Variants in CADM2 observed in about 807,000 individuals in gnomAD.
CADM2 encodes immunoglobulin superfamily member 4D.
Under a neutral mutation model 49.8 loss-of-function variants are expected in CADM2, and 12 were observed. The observed-to-expected ratio is 0.24, with a 90% CI of 0.15 to 0.39. The LOEUF is 0.39. Among genes scored for constraint, CADM2 ranks in the 10% least tolerant of loss-of-function variants. The pLI is 1.00. For synonymous variants in CADM2, 214 were observed against 175.4 expected, an observed-to-expected ratio of 1.22 and a Z score of -1.74; for missense variants, 378 against 492.3, an observed-to-expected ratio of 0.77 and a Z score of 2.20.
chr3:86,012,480 C>A, intron 8 of CADM2: 1 of 893,510 alleles, frequency 1.1e-6, no homozygotes, highest in Non-Finnish European at 1.6e-6. Flanking sequence ...ACCTGGCTCT[C>A]CTCCGTGACC....
intron 1 of CADM2, among the ~76,000 whole-genome samples, chr3:85,660,729 A>C (rs190908411): frequency 6.6e-6 from 1 of 152,202 alleles, no homozygotes; most frequent in African/African-American, 2.4e-5. Context: ...AAGATCAGTC[A>C]GTTTCCTCCT....
At chr3:85,642,155 C>T (rs1233194794) in intron 1 of CADM2, among the ~76,000 whole-genome samples, 1 of 152,122 alleles carries the variant, frequency 6.6e-6, no homozygotes, top group East Asian at 1.9e-4. Flanking sequence ...GAAAGTGTCT[C>T]CTCATACTTA....
chr3:85,819,159 G>A (rs965148452), intron 3 of CADM2, among the ~76,000 whole-genome samples: 21 of 152,200 alleles, frequency 1.4e-4, no homozygotes, highest in African/African-American at 5.1e-4. Flanking sequence ...AGGGCAGGAA[G>A]CATTCCGCAT....
intron 1 of CADM2, among the ~76,000 whole-genome samples, chr3:85,028,823 T>G (rs1208993955): frequency 6.6e-6 from 1 of 151,970 alleles, no homozygotes; most frequent in African/African-American, 2.4e-5. Flanking sequence ...TAATTTCCAC[T>G]ACAGGACTGT....
At chr3:85,675,025 T>C (rs1228053608) in intron 1 of CADM2, among the ~76,000 whole-genome samples, 1 of 152,188 alleles carries the variant, frequency 6.6e-6, no homozygotes. Flanking sequence ...ATTTGTGCAT[T>C]ATAAAGTATT....
At chr3:85,591,305 C>T (rs2063100930) in intron 1 of CADM2, among the ~76,000 whole-genome samples, 1 of 151,880 alleles carries the variant, frequency 6.6e-6, no homozygotes, top group Non-Finnish European at 1.5e-5. Flanking sequence ...AGAGTATGTA[C>T]TTTTGGAAGT....
intron 5 of CADM2, among the ~76,000 whole-genome samples, chr3:85,894,729 C>T (rs924515220): frequency 6.6e-6 from 1 of 152,184 alleles, no homozygotes; most frequent in Non-Finnish European, 1.5e-5. Flanking sequence ...TGTTGCCTTG[C>T]ACCCAGCTGC....
chr3:85,287,409 G>A (rs7637876), intron 1 of CADM2, among the ~76,000 whole-genome samples: 34,054 of 151,814 alleles, frequency 0.22, 6,110 homozygotes, highest in African/African-American at 0.5. Context: ...TTACATGGCT[G>A]AGTTTCATAT....
At chr3:85,605,277 C>T (rs1440343980) in intron 1 of CADM2, among the ~76,000 whole-genome samples, 2 of 151,994 alleles carry the variant, frequency 1.3e-5, no homozygotes, top group Non-Finnish European at 2.9e-5. Flanking sequence ...AAGGCAAATT[C>T]CTGTGGTCTT....
intron 1 of CADM2, among the ~76,000 whole-genome samples, chr3:85,380,343 G>A (rs73845473): frequency 0.012 from 1,760 of 151,388 alleles, 38 homozygotes; most frequent in African/African-American, 0.04. Context: ...TGCTTTTTTT[G>A]CCTTATAGTT....
intron 5 of CADM2, among the ~76,000 whole-genome samples, chr3:85,909,392 G>T (rs771742687): frequency 9.0e-6 from 1 of 110,846 alleles, no homozygotes. Context: ...TTTGAAAAAT[G>T]TAAAATGAAA....
intron 1 of CADM2, among the ~76,000 whole-genome samples, chr3:85,436,926 T>A (rs1295336774): frequency 6.6e-6 from 1 of 152,194 alleles, no homozygotes; most frequent in Non-Finnish European, 1.5e-5. Flanking sequence ...TTTGGAGAAA[T>A]ATATGTTGAA....
chr3:85,421,777 G>T (rs1006951887), intron 1 of CADM2, among the ~76,000 whole-genome samples: 5 of 152,092 alleles, frequency 3.3e-5, no homozygotes, highest in African/African-American at 1.2e-4. Flanking sequence ...AATTTGAATC[G>T]AGCAGCTTAC....
At chr3:85,812,654 C>T (rs957536428) in intron 3 of CADM2, among the ~76,000 whole-genome samples, 2 of 152,174 alleles carry the variant, frequency 1.3e-5, no homozygotes, top group Non-Finnish European at 2.9e-5. Flanking sequence ...CACACATCAA[C>T]CCATCACCTA....
chr3:86,021,897 G>T (rs754665651), intron 8 of CADM2, among the ~76,000 whole-genome samples: 29 of 152,118 alleles, frequency 1.9e-4, no homozygotes, highest in Non-Finnish European at 3.4e-4. Flanking sequence ...CAAGTCTAGA[G>T]ATCTAATACA....
At chr3:85,130,084 C>A (rs964594969) in intron 1 of CADM2, among the ~76,000 whole-genome samples, 1 of 152,092 alleles carries the variant, frequency 6.6e-6, no homozygotes, top group Non-Finnish European at 1.5e-5. Context: ...ATTTAATTCA[C>A]CCGTTTTCAT....
intron 1 of CADM2, among the ~76,000 whole-genome samples, chr3:85,044,951 T>C (rs1056082948): frequency 6.6e-5 from 10 of 152,168 alleles, no homozygotes; most frequent in South Asian, 6.2e-4. Flanking sequence ...TCATGATAGC[T>C]GTCACTGGAT....
intron 1 of CADM2, among the ~76,000 whole-genome samples, chr3:85,400,913 G>A (rs779202968): frequency 1.2e-4 from 18 of 152,004 alleles, no homozygotes; most frequent in Non-Finnish European, 1.6e-4. Flanking sequence ...TCCTTTAGTT[G>A]TGAATCAGTT....
At chr3:86,037,912 G>A (rs765568176) in intron 8 of CADM2, among the ~76,000 whole-genome samples, 6 of 151,982 alleles carry the variant, frequency 3.9e-5, no homozygotes, top group Admixed American at 6.6e-5. Flanking sequence ...GTGCCATGGC[G>A]GTTTGCTGCA....
Sources: gnomAD v4.1 joint callset for allele counts (sites outside exome capture counted in the v4.1 genomes callset) on GRCh38, gnomAD v4.1.1 for gene constraint, MANE v1.5 for transcripts, NCBI Gene and HGNC (gene_info 2026-07-23, HGNC 2026-07-21) for gene names.